Variants in TCF4 observed in about 807,000 individuals in gnomAD.
TCF4 encodes transcription factor 4, also known as SL3-3 enhancer factor 2.
Under a neutral mutation model 82.1 loss-of-function variants are expected in TCF4, and 3 were observed. The ratio of observed to expected loss-of-function variants is 0.04; its 90% CI spans 0.02 to 0.09. The LOEUF (loss-of-function observed/expected upper bound fraction) is 0.09. Among genes scored for constraint, TCF4 ranks in the 10% least tolerant of loss-of-function variants. The pLI is 1.00. For synonymous variants in TCF4, 276 were observed against 309.6 expected, an observed-to-expected ratio of 0.89 and a Z score of 1.14; for missense variants, 518 against 852.7, an observed-to-expected ratio of 0.61 and a Z score of 4.89.
At chr18:55,533,280 A>G (rs2097085766) in intron 3 of TCF4, among the ~76,000 whole-genome samples, 1 of 152,180 alleles carries the variant, frequency 6.6e-6, no homozygotes, top group Admixed American at 6.5e-5. Context: ...GGCTCAGGTA[A>G]AGCACTCTGG....
intron 8 of TCF4, chr18:55,331,973 A>G (rs2077654789): frequency 6.6e-6 from 1 of 152,218 alleles, no homozygotes; most frequent in African/African-American, 2.4e-5. Flanking sequence ...AATAATGCCA[A>G]CAACATGCTA....
chr18:55,334,719 A>G (rs375657619), intron 8 of TCF4, among the ~76,000 whole-genome samples: 15 of 152,194 alleles, frequency 9.9e-5, no homozygotes, highest in Admixed American at 5.2e-4. Flanking sequence ...AAAATTATCA[A>G]TCGTTCAAAA....
chr18:55,236,535 A>G (rs1381034122), intron 15 of TCF4, among the ~76,000 whole-genome samples: 1 of 151,780 alleles, frequency 6.6e-6, no homozygotes, highest in Admixed American at 6.6e-5. Flanking sequence ...GCTCTCTTAT[A>G]GGCAGACCAC....
chr18:55,225,674 T>C lies in TCF4; in HGVS notation c.*2361A>G, dbSNP rs1353455353. On this transcript the variant is annotated 3_prime_UTR_variant, in exon 20 of 20. Coordinates refer to ENST00000354452, the MANE Select transcript of TCF4 (RefSeq NM_001083962.2). ...ATTATTCAGGGAGGAGGAGAGAGTATACATTATTGTCTTCCATGTCCTTCT... is the reference window on the plus strand; with the variant it reads ...ATTATTCAGGGAGGAGGAGAGAGTACACATTATTGTCTTCCATGTCCTTCT... 6.6e-6 allele frequency: 1 copy of C among 152,530 alleles called. No homozygotes were observed. The highest frequency in any genetic ancestry group is 1.5e-5 in the Non-Finnish European group (1 of 67,988). 9.4% of individuals were successfully genotyped at this position (152,530 alleles called of 1,614,324 possible).
chr18:55,334,369 T>C (rs2147829655), intron 8 of TCF4, among the ~76,000 whole-genome samples: 1 of 152,286 alleles, frequency 6.6e-6, no homozygotes, highest in African/African-American at 2.4e-5. Flanking sequence ...ATGCACTCTT[T>C]AGGTATAGTC....
intron 3 of TCF4, among the ~76,000 whole-genome samples, chr18:55,522,769 CAT>C (rs1220449843): frequency 6.6e-6 from 1 of 152,026 alleles, no homozygotes; most frequent in Admixed American, 6.6e-5. Context: ...GCATGAGAAA[CAT>C]GTATTATTTT....
At chr18:55,331,126 A>G (rs1395022575) in intron 8 of TCF4, among the ~76,000 whole-genome samples, 3 of 152,146 alleles carry the variant, frequency 2.0e-5, no homozygotes, top group African/African-American at 7.3e-5. Context: ...TTCAGGGAAG[A>G]GACAGACAGA....
chr18:55,632,371 A>G (rs1221802608), intron 1 of TCF4, among the ~76,000 whole-genome samples: 3 of 152,224 alleles, frequency 2.0e-5, no homozygotes, highest in Non-Finnish European at 4.4e-5. Context: ...GTCTACTAAC[A>G]TAACTGGTGT....
intron 3 of TCF4, among the ~76,000 whole-genome samples, chr18:55,469,333 G>A (rs970517856): frequency 2.0e-5 from 3 of 151,998 alleles, no homozygotes; most frequent in African/African-American, 7.2e-5. Flanking sequence ...GCCTGGTGGT[G>A]GACGCCTGTA....
chr18:55,435,879 C>T (rs1289547383), intron 5 of TCF4, among the ~76,000 whole-genome samples: 2 of 152,202 alleles, frequency 1.3e-5, no homozygotes, highest in Non-Finnish European at 2.9e-5. Flanking sequence ...TTCACTACAT[C>T]CTGTGTCTTA....
At chr18:55,527,933 C>G (rs1011098960) in intron 3 of TCF4, among the ~76,000 whole-genome samples, 5 of 152,164 alleles carry the variant, frequency 3.3e-5, no homozygotes, top group Non-Finnish European at 7.3e-5. Context: ...TAATTAAGCT[C>G]CTACAGTCCA....
At chr18:55,546,529 G>C (rs908972461) in intron 3 of TCF4, among the ~76,000 whole-genome samples, 1 of 152,238 alleles carries the variant, frequency 6.6e-6, no homozygotes, top group East Asian at 1.9e-4. Flanking sequence ...TTAATAATGA[G>C]AGTGACCAGA....
At chr18:55,589,235 G>A (rs1299347061), upstream of TCF4, 5 of 1,034,706 alleles carry the variant, frequency 4.8e-6, no homozygotes, top group Non-Finnish European at 5.8e-6. Flanking sequence ...CATCGGGATC[G>A]ACATTTTAAA....
chr18:55,400,055 C>T (rs1168505097), intron 6 of TCF4, among the ~76,000 whole-genome samples: 1 of 151,962 alleles, frequency 6.6e-6, no homozygotes, highest in African/African-American at 2.4e-5. Flanking sequence ...GTTTTGATAT[C>T]ATCATCTCAT....
At chr18:55,508,783 C>G (rs907040451) in intron 3 of TCF4, among the ~76,000 whole-genome samples, 1 of 152,132 alleles carries the variant, frequency 6.6e-6, no homozygotes, top group African/African-American at 2.4e-5. Flanking sequence ...CCTAGGAACA[C>G]TTAATAACAA....
intron 15 of TCF4, among the ~76,000 whole-genome samples, chr18:55,249,486 C>A (rs1416529727): frequency 6.6e-6 from 1 of 152,120 alleles, no homozygotes; most frequent in Non-Finnish European, 1.5e-5. Context: ...CTCCCCCATC[C>A]CTAAGTCAAC....
At chr18:55,401,164 C>A in intron 6 of TCF4, 1 of 1,276,928 alleles carries the variant, frequency 7.8e-7, no homozygotes, top group Non-Finnish European at 1.0e-6. Context: ...GGAAGACACA[C>A]TATGGTCTGT....
At chr18:55,466,764 AATTAGC>A (rs1267913059) in intron 3 of TCF4, among the ~76,000 whole-genome samples, 4 of 152,202 alleles carry the variant, frequency 2.6e-5, no homozygotes, top group African/African-American at 7.2e-5. Context: ...GCAGCCTGCT[AATTAGC>A]AGGCAGATAA....
At chr18:55,547,685 T>C (rs2097218535) in intron 3 of TCF4, among the ~76,000 whole-genome samples, 1 of 152,216 alleles carries the variant, frequency 6.6e-6, no homozygotes, top group Non-Finnish European at 1.5e-5. Flanking sequence ...TGATGAATTG[T>C]TTGAAACGTT....
Sources: allele counts gnomAD v4.1 joint callset (sites outside exome capture counted in the v4.1 genomes callset), GRCh38; gene constraint gnomAD v4.1.1; transcripts MANE v1.5; gene names NCBI Gene and HGNC (gene_info 2026-07-23, HGNC 2026-07-21).